The following NXPH1 variants were observed in gnomAD, a reference collection of about 807,000 sequenced individuals.
NXPH1 encodes the protein neurexophilin 1, also known as neurexophilin-1.
Under a neutral mutation model 23.7 loss-of-function variants are expected in NXPH1, and 5 were observed. The ratio of observed to expected loss-of-function variants is 0.21; its 90% CI spans 0.11 to 0.44. NXPH1 has a LOEUF of 0.44. Among genes scored for constraint, NXPH1 ranks in the 20% least tolerant of loss-of-function variants. The probability of loss-of-function intolerance (pLI) is 0.99; values close to 1 mark genes in which losing one functional copy is unlikely to be tolerated. For missense variants in NXPH1, 324 were observed against 321.6 expected (o/e 1.01, Z -0.06); for synonymous variants, 144 against 122.2 (o/e 1.18, Z -1.18).
chr7:8,737,063 C>T (rs779840241), intron 2 of NXPH1, among the ~76,000 whole-genome samples: 10 of 151,918 alleles, frequency 6.6e-5, no homozygotes, highest in South Asian at 2.1e-4. Context: ...TACAGCAGAT[C>T]GATGAGTCTT....
rs138827855 is a variant in NXPH1, at chr7:8,628,499, T to C, written c.55-122509T>C. Reference sequence around the variant, plus strand: ...TTAAGAGGAAAGTCAGGGACAAGAATGTAGTTTCTGGTGATAGGATAAGAA... The same window carrying C: ...TTAAGAGGAAAGTCAGGGACAAGAACGTAGTTTCTGGTGATAGGATAAGAA... On this transcript the variant is annotated intron_variant, in intron 2 of 2. Transcript: ENST00000405863. Among the ~76,000 whole-genome samples, 248 of 151,488 alleles carry C rather than the reference T, an allele frequency of 1.6e-3. 2 individuals carry two copies. Among genetic ancestry groups the C allele is most frequent in the African/African-American group, 5.6e-3 (233 of 41,292 alleles).
intron 2 of NXPH1, among the ~76,000 whole-genome samples, chr7:8,653,507 C>T (rs1287102273): frequency 6.6e-6 from 1 of 152,172 alleles, no homozygotes; most frequent in African/African-American, 2.4e-5. Flanking sequence ...TGACTTTAAA[C>T]CCTTTTGTAT....
intron 2 of NXPH1, among the ~76,000 whole-genome samples, chr7:8,638,895 G>A (rs1820261159): frequency 6.6e-6 from 1 of 152,078 alleles, no homozygotes; most frequent in Non-Finnish European, 1.5e-5. Flanking sequence ...ACCTTGGCTT[G>A]AATTACCTAC....
chr7:8,478,371 C>T (rs1388882865), intron 2 of NXPH1, among the ~76,000 whole-genome samples: 2 of 151,336 alleles, frequency 1.3e-5, no homozygotes, highest in Non-Finnish European at 3.0e-5. Flanking sequence ...GGGTGTAACT[C>T]CAGAAACAAT....
chr7:8,602,882 G>A (rs1196901863), intron 2 of NXPH1, among the ~76,000 whole-genome samples: 3 of 152,036 alleles, frequency 2.0e-5, no homozygotes, highest in Admixed American at 6.6e-5. Context: ...AGGCTGGAGT[G>A]CAGTGGCACA....
At chr7:8,737,580 C>A (rs559068391) in intron 2 of NXPH1, among the ~76,000 whole-genome samples, 5 of 152,282 alleles carry the variant, frequency 3.3e-5, no homozygotes, top group African/African-American at 1.2e-4. Context: ...TCCTTCATTT[C>A]AACCTTGGTG....
chr7:8,739,171 TAAAAAAAAAAAA>T (rs34593997), intron 2 of NXPH1, among the ~76,000 whole-genome samples: 62 of 54,042 alleles, frequency 1.1e-3, no homozygotes, highest in Middle Eastern at 0.011. Flanking sequence ...ACCAGTGGGG[TAAAAAAAAAAAA>T]AAAAAAAAAA....
At chr7:8,454,746 T>TC (rs199518456) in intron 2 of NXPH1, among the ~76,000 whole-genome samples, 5,789 of 152,210 alleles carry the variant, frequency 0.038, 147 homozygotes, top group Middle Eastern at 0.054. Flanking sequence ...TTTCCAGCAA[T>TC]CAGTGCTCAA....
chr7:8,639,407 C>T (rs1281730605), intron 2 of NXPH1, among the ~76,000 whole-genome samples: 2 of 152,146 alleles, frequency 1.3e-5, no homozygotes, highest in East Asian at 3.9e-4. Context: ...TAGATAGATA[C>T]AGCCACATTG....
At chr7:8,619,764 G>A (rs930934719) in intron 2 of NXPH1, among the ~76,000 whole-genome samples, 1 of 152,150 alleles carries the variant, frequency 6.6e-6, no homozygotes, top group African/African-American at 2.4e-5. Flanking sequence ...ACACTCTGTA[G>A]TTTACAAAAT....
chr7:8,608,062 G>C (rs145085220), intron 2 of NXPH1, among the ~76,000 whole-genome samples: 1 of 152,328 alleles, frequency 6.6e-6, no homozygotes, highest in East Asian at 1.9e-4. Context: ...GTCTCAGAGA[G>C]AACACTGCTT....
At chr7:8,702,117 A>C (rs1779634105) in intron 2 of NXPH1, among the ~76,000 whole-genome samples, 1 of 151,460 alleles carries the variant, frequency 6.6e-6, no homozygotes, top group South Asian at 2.1e-4. Flanking sequence ...TGAATTAATT[A>C]TTTCTATAGG....
chr7:8,571,485 CATGGAAGATCCATAAGAA>C (rs1341962340), intron 2 of NXPH1, among the ~76,000 whole-genome samples: 1 of 151,722 alleles, frequency 6.6e-6, no homozygotes, highest in Non-Finnish European at 1.5e-5. Context: ...GCCTGTAGGA[CATGGAAGATCCATAAGAA>C]ATGGATTGAG....
intron 2 of NXPH1, among the ~76,000 whole-genome samples, chr7:8,579,890 G>T (rs1160189205): frequency 1.3e-5 from 2 of 152,114 alleles, no homozygotes; most frequent in African/African-American, 4.8e-5. Context: ...CTAGAAGCGG[G>T]TCAGGCATTT....
At chr7:8,535,770 TAATA>T (rs1818016956) in intron 2 of NXPH1, among the ~76,000 whole-genome samples, 1 of 152,100 alleles carries the variant, frequency 6.6e-6, no homozygotes, top group Non-Finnish European at 1.5e-5. Flanking sequence ...AAAATTTTAA[TAATA>T]AATTTAATTC....
intron 2 of NXPH1, among the ~76,000 whole-genome samples, chr7:8,634,834 A>T (rs1820194395): frequency 6.6e-6 from 1 of 152,154 alleles, no homozygotes; most frequent in South Asian, 2.1e-4. Flanking sequence ...CAAATCTCTG[A>T]TAATTTCCCC....
At chr7:8,593,823 T>A (rs1011287974) in intron 2 of NXPH1, among the ~76,000 whole-genome samples, 8 of 152,096 alleles carry the variant, frequency 5.3e-5, no homozygotes, top group Non-Finnish European at 1.0e-4. Flanking sequence ...ATTCTGCTTA[T>A]AACAGACATT....
chr7:8,604,011 T>C (rs1407715172), intron 2 of NXPH1, among the ~76,000 whole-genome samples: 3 of 152,064 alleles, frequency 2.0e-5, no homozygotes, highest in African/African-American at 4.8e-5. Context: ...TTGGGACAAA[T>C]GCAATGAAGA....
At chr7:8,564,956 A>T (rs1272691549) in intron 2 of NXPH1, among the ~76,000 whole-genome samples, 1 of 151,780 alleles carries the variant, frequency 6.6e-6, no homozygotes, top group African/African-American at 2.4e-5. Context: ...TATTTGCTGG[A>T]CTGTGTCCTC....
Sources: gnomAD v4.1 joint callset for allele counts (sites outside exome capture counted in the v4.1 genomes callset) on GRCh38, gnomAD v4.1.1 for gene constraint, MANE v1.5 for transcripts, NCBI Gene and HGNC (gene_info 2026-07-23, HGNC 2026-07-21) for gene names.